The following RALGAPA2 variants were observed in gnomAD, a reference collection of about 807,000 sequenced individuals.
RALGAPA2 encodes Ral GTPase activating protein catalytic subunit alpha 2, also known as ral GTPase-activating protein subunit alpha-2.
Under a neutral mutation model 230.4 loss-of-function variants are expected in RALGAPA2, and 139 were observed. The observed-to-expected ratio is 0.60, with a 90% CI of 0.53 to 0.69. RALGAPA2 has a LOEUF of 0.69. Among genes scored for constraint, RALGAPA2 ranks in the 30% least tolerant of loss-of-function variants. RALGAPA2 has a pLI of 0.00. For missense variants in RALGAPA2, 2,163 were observed against 2,276.0 expected (o/e 0.95, Z 1.01); for synonymous variants, 847 against 837.8 (o/e 1.01, Z -0.19).
intron 1 of RALGAPA2, among the ~76,000 whole-genome samples, chr20:20,688,470 C>T (rs1208636245): frequency 3.3e-5 from 5 of 152,240 alleles, no homozygotes; most frequent in Admixed American, 1.3e-4. Flanking sequence ...GTCAAAGATG[C>T]GGTGTGACAA....
intron 1 of RALGAPA2, among the ~76,000 whole-genome samples, chr20:20,697,863 G>A (rs1013745253): frequency 2.0e-5 from 3 of 152,160 alleles, no homozygotes; most frequent in Non-Finnish European, 2.9e-5. Flanking sequence ...AAAAGAGAGT[G>A]GATATGAGAC....
intron 14 of RALGAPA2, among the ~76,000 whole-genome samples, chr20:20,607,790 C>T (rs6046959): frequency 0.064 from 9,724 of 152,146 alleles, 412 homozygotes; most frequent in East Asian, 0.16. Flanking sequence ...ATGAAACAAG[C>T]GCAGAATGAC....
At chr20:20,580,641 G>A (rs946433518) in intron 20 of RALGAPA2, among the ~76,000 whole-genome samples, 2 of 152,124 alleles carry the variant, frequency 1.3e-5, no homozygotes, top group African/African-American at 2.4e-5. Context: ...CCAGGGATCC[G>A]TGAGTATAAA....
At chr20:20,440,271 G>A (rs943532797) in intron 37 of RALGAPA2, among the ~76,000 whole-genome samples, 2 of 152,160 alleles carry the variant, frequency 1.3e-5, no homozygotes, top group African/African-American at 4.8e-5. Context: ...TGGAATTCGG[G>A]CCAAAATAAA....
At position 20,396,703 on chromosome 20, in the gene RALGAPA2, A is replaced by G. The variant is rs202092323; in HGVS notation, c.*27T>C. 4.3e-6 allele frequency: 7 copies of G among 1,610,252 alleles called. No homozygotes were observed. Among genetic ancestry groups the G allele is most frequent in the African/African-American group, 1.3e-5 (1 of 74,862 alleles). On this transcript the variant is annotated 3_prime_UTR_variant, in exon 39 of 40. Transcript: ENST00000202677. ...TGAAGTGTCTGTCTTACCTTGCTCA[A>G]ATATTGAAATGAGACCTTTACGTGT...
intron 35 of RALGAPA2, among the ~76,000 whole-genome samples, chr20:20,497,204 A>C (rs1483457478): frequency 2.0e-5 from 3 of 152,206 alleles, no homozygotes; most frequent in Non-Finnish European, 2.9e-5. Context: ...TATATTTGCT[A>C]CAGCTTTTTT....
chr20:20,584,844 C>G (rs1555791957), intron 19 of RALGAPA2, 21 bp downstream of exon 19: 5 of 1,533,810 alleles, frequency 3.3e-6, no homozygotes, highest in South Asian at 1.1e-5. Flanking sequence ...GTTGGAGGAA[C>G]AGACATTTCC....
intron 1 of RALGAPA2, among the ~76,000 whole-genome samples, chr20:20,696,113 C>A (rs1778223582): frequency 6.6e-6 from 1 of 152,166 alleles, no homozygotes; most frequent in South Asian, 2.1e-4. Context: ...GCCCAATGTA[C>A]TCCAGCTTTC....
At position 20,591,179 on chromosome 20, in the gene RALGAPA2, T is replaced by C; in HGVS notation, c.2339A>G (p.Gln780Arg). 1 of 1,613,756 alleles carries C rather than the reference T, an allele frequency of 6.2e-7. No individual in the cohort carries two copies. Among genetic ancestry groups the C allele is most frequent in the Non-Finnish European group, 8.5e-7 (1 of 1,179,722 alleles). The change falls in exon 17 of 40, where the codon CAG (glutamine) becomes CGG (arginine). Residue 780 changes from glutamine to arginine, a missense_variant and splice_region_variant. Coordinates refer to ENST00000202677, the MANE Select transcript of RALGAPA2 (RefSeq NM_020343.4). ...TAAACACTGAAGACATCATGTACCC[T>C]GAGAAGAATCTGAGCACAGCGGCTC... ...IPEPLCSDSS[Q>R]GQKAENTQNS...
chr20:20,416,063 G>A (rs2060158889), intron 37 of RALGAPA2, among the ~76,000 whole-genome samples: 2 of 152,180 alleles, frequency 1.3e-5, no homozygotes, highest in South Asian at 4.1e-4. Flanking sequence ...GCTGAGGCAA[G>A]TGGTTCCGAC....
At position 20,640,755 on chromosome 20, in the gene RALGAPA2, T is replaced by C. The variant is rs755612461; in HGVS notation, c.496A>G (p.Arg166Gly). 3.7e-6 allele frequency: 6 copies of C among 1,613,824 alleles called. No homozygotes were observed. The highest frequency in any genetic ancestry group is 5.1e-6 in the Non-Finnish European group (6 of 1,179,850). Residue 166 changes from arginine (R) to glycine (G), a missense_variant, in exon 6 of 40, where the codon AGG becomes GGG. Physicochemically the swap from Arg to Gly is moderately radical, Grantham distance 125. Transcript: ENST00000202677. ...VPGFPAVMSS[R>G]GPCTLETLIN... ...AGTGTCTCCAGTGTGCAAGGGCCCC[T>C]GGATGACATGACTGCTGGGAAACCA...
chr20:20,670,366 C>T (rs1461833076), intron 3 of RALGAPA2, among the ~76,000 whole-genome samples: 2 of 152,226 alleles, frequency 1.3e-5, no homozygotes, highest in Non-Finnish European at 2.9e-5. Context: ...TAAATCCCTA[C>T]TCTCCCATTT....
At chr20:20,572,180 G>A (rs1346616003) in intron 21 of RALGAPA2, among the ~76,000 whole-genome samples, 4 of 151,994 alleles carry the variant, frequency 2.6e-5, no homozygotes, top group South Asian at 2.1e-4. Context: ...TTCCTTGAAC[G>A]TTAATGGCTG....
rs781354608 is a variant in RALGAPA2 at position 20,521,069 on chromosome 20, G to A, written c.3932C>T (p.Thr1311Met). The A allele has an allele frequency of 3.0e-5, 48 of 1,613,048 alleles. No individual in the cohort carries two copies. Among genetic ancestry groups the A allele is most frequent in the African/African-American group, 5.3e-5 (4 of 74,884 alleles). The change falls in exon 31 of 40, where the codon ACG (threonine) becomes ATG (methionine). Residue 1311 changes from threonine (T) to methionine (M), a missense_variant. Coordinates refer to ENST00000202677, the MANE Select transcript of RALGAPA2 (RefSeq NM_020343.4). ...TATGTAGTGACTCTGTTGGGTGTAC[G>A]TGCTTGAGCCACACACACAGCAGTG... ...VLHCCVCGSS[T>M]YTQQSHYILT...
intron 31 of RALGAPA2, among the ~76,000 whole-genome samples, chr20:20,518,926 T>G (rs1055959311): frequency 6.6e-6 from 1 of 152,188 alleles, no homozygotes; most frequent in South Asian, 2.1e-4. Context: ...TTTCAATTAC[T>G]TAATAAAAAT....
At chr20:20,423,209 G>C (rs943217586) in intron 37 of RALGAPA2, among the ~76,000 whole-genome samples, 1 of 152,174 alleles carries the variant, frequency 6.6e-6, no homozygotes, top group Admixed American at 6.5e-5. Flanking sequence ...AGGAGGGCAG[G>C]GTTGAGTGGA....
rs946107353 is a variant in RALGAPA2, at chr20:20,592,497, C to T, written c.2204-1183G>A. Among the ~76,000 whole-genome samples, 62 of 152,214 alleles carry T rather than the reference C, an allele frequency of 4.1e-4. 1 individual carries two copies. The highest frequency in any genetic ancestry group is 2.9e-5 in the Non-Finnish European group (2 of 68,042). ...CCCCTACAGGACCTGCTCCCTGGCC[C>T]TGCATGCAAGCCCCATTGCTCTGTT... On this transcript the variant is annotated intron_variant, in intron 16 of 39. Coordinates refer to ENST00000202677, the MANE Select transcript of RALGAPA2 (RefSeq NM_020343.4).
intron 1 of RALGAPA2, among the ~76,000 whole-genome samples, chr20:20,698,728 T>C (rs766656380): frequency 9.2e-5 from 14 of 152,334 alleles, no homozygotes; most frequent in East Asian, 1.9e-4. Flanking sequence ...GTTATGTGAA[T>C]TTCACATCAA....
At chr20:20,417,394 C>A (rs773020276) in intron 37 of RALGAPA2, among the ~76,000 whole-genome samples, 1 of 152,230 alleles carries the variant, frequency 6.6e-6, no homozygotes, top group Non-Finnish European at 1.5e-5. Flanking sequence ...CATGCTTCTT[C>A]CAGTTCCAGG....
Sources: allele counts gnomAD v4.1 joint callset (sites outside exome capture counted in the v4.1 genomes callset), GRCh38; gene constraint gnomAD v4.1.1; transcripts MANE v1.5; gene names NCBI Gene and HGNC (gene_info 2026-07-23, HGNC 2026-07-21).